The following IGF2 variants were observed in gnomAD, a reference collection of about 807,000 sequenced individuals.
IGF2 encodes insulin like growth factor 2.
A neutral mutation model predicts 12.0 loss-of-function variants in IGF2; 2 were observed. The ratio of observed to expected loss-of-function variants is 0.17; its 90% confidence interval spans 0.07 to 0.52. IGF2 has a LOEUF of 0.52. Among genes scored for constraint, IGF2 ranks in the 20% least tolerant of loss-of-function variants. The pLI is 0.95. For missense variants in IGF2, 211 were observed against 268.0 expected, an observed-to-expected ratio of 0.79 and a Z score of 1.48; for synonymous variants, 105 against 110.1, an observed-to-expected ratio of 0.95 and a Z score of 0.29.
In IGF2 at chr11:2,133,755, C is replaced by A; in HGVS notation, c.158-90G>T. 1 of 1,510,450 alleles carries A rather than the reference C, an allele frequency of 6.6e-7. No individual in the cohort carries two copies. Among genetic ancestry groups the A allele is most frequent in the African/African-American group, 1.4e-5 (1 of 71,902 alleles). The allele number at this position is 1,510,450 out of a possible 1,614,324, so 93.6% of individuals were successfully genotyped here. A position where few individuals can be genotyped will look rare whatever the true frequency, so the allele number is the denominator to read the frequency against. ...GAAGGGGGAGCAAACCACCCCTGCCCTCAGGCCAGGCCCTGGAAGGACGCA... is the reference window on the plus strand; with the variant it reads ...GAAGGGGGAGCAAACCACCCCTGCCATCAGGCCAGGCCCTGGAAGGACGCA... On this transcript the variant is annotated intron_variant, in intron 2 of 3. Transcript: ENST00000416167. This position sits in a 1 kb window ranked among gnomAD's most constrained non-coding sequence, Gnocchi z 8.9.
At chr11:2,140,373 C>A (rs1859478382), upstream of IGF2, 3 of 1,355,340 alleles carry the variant, frequency 2.2e-6, no homozygotes, top group African/African-American at 4.4e-5. Flanking sequence ...AATCCCGCAC[C>A]CCGCCAGCCC....
Position 2,132,660 on chromosome 11 carries a change from G to C in IGF2, c.*327C>G, listed in dbSNP as rs547785690. On this transcript the variant is annotated 3_prime_UTR_variant, in exon 4 of 4. Coordinates refer to ENST00000416167, the MANE Select transcript of IGF2 (RefSeq NM_000612.6). ...ATTAGTTTTAAGAGGGTTGTTGTGG[G>C]GGGGGGGGAAGGGGGTTAGTTTAAT... 3.5e-5 allele frequency: 5 copies of C among 142,746 alleles called. No individual in the cohort carries two copies. Among genetic ancestry groups the C allele is most frequent in the South Asian group, 6.4e-4 (1 of 1,558 alleles). 8.8% of individuals were successfully genotyped at this position (142,746 alleles called of 1,614,324 possible). A position where few individuals can be genotyped will look rare whatever the true frequency, so the allele number is the denominator to read the frequency against.
chr11:2,130,474 G>A lies in IGF2; in HGVS notation c.*2513C>T, dbSNP rs1215087954. ...TAAATGGCGGGGGGCAGGACGTGGT[G>A]GTCTCCAGGCTGGCTTCGTGCGTTC... On this transcript the variant is annotated 3_prime_UTR_variant, in exon 4 of 4. Transcript: ENST00000416167. The A allele has an allele frequency of 1.3e-5, 3 of 226,734 alleles. No homozygotes were observed. In the Admixed American group the frequency reaches 1.7e-4, roughly 13 times the overall value. 14.0% of individuals were successfully genotyped at this position (226,734 alleles called of 1,614,324 possible). A position where few individuals can be genotyped will look rare whatever the true frequency, so the allele number is the denominator to read the frequency against.
chr11:2,131,901 G>A lies in IGF2; in HGVS notation c.*1086C>T, dbSNP rs1161301672. On this transcript the variant is annotated 3_prime_UTR_variant, in exon 4 of 4. Coordinates refer to ENST00000416167, the MANE Select transcript of IGF2 (RefSeq NM_000612.6). ...TGCTGTGCGTTTGTGTGTGCTGTGC[G>A]TTTGTGTGTGTGCTGTGTGTGCATG... 18 of 162,822 alleles carry A rather than the reference G, an allele frequency of 1.1e-4. No individual in the cohort carries two copies. The South Asian group carries it at 3.6e-3, about 32-fold the overall frequency. The allele number at this position is 162,822 out of a possible 1,614,324, so 10.1% of individuals were successfully genotyped here. A position where few individuals can be genotyped will look rare whatever the true frequency, so the allele number is the denominator to read the frequency against.
chr11:2,140,550 G>A (rs902440025), upstream of IGF2: 3 of 504,872 alleles, frequency 5.9e-6, no homozygotes, highest in Non-Finnish European at 1.1e-5. Context: ...ACCGCCCGGC[G>A]GGAGCGCCTC....
At position 2,129,789 on chromosome 11, in the gene IGF2, G is replaced by C. The variant is rs568944971; in HGVS notation, c.*3198C>G. Reference sequence around the variant, plus strand: ...AGACTGCTAGTCGGGCTGCGTGCAGGGGGGCTGAGCTGGGGGCACAAGTGG... The same window carrying C: ...AGACTGCTAGTCGGGCTGCGTGCAGCGGGGCTGAGCTGGGGGCACAAGTGG... On this transcript the variant is annotated 3_prime_UTR_variant, in exon 4 of 4. Coordinates refer to ENST00000416167, the MANE Select transcript of IGF2 (RefSeq NM_000612.6). The surrounding 1 kb of genome is among the most constrained non-coding windows in gnomAD (Gnocchi z 8.1). 208 of 232,212 alleles carry C rather than the reference G, an allele frequency of 9.0e-4. No individual in the cohort carries two copies. The highest frequency in any genetic ancestry group is 4.4e-3 in the African/African-American group (199 of 45,396). The allele number at this position is 232,212 out of a possible 1,614,324, so 14.4% of individuals were successfully genotyped here.
chr11:2,131,622 GTGTGTGC>G lies in IGF2; in HGVS notation c.*1358_*1364del, dbSNP rs1427724970. The G allele has an allele frequency of 4.6e-5, 10 of 215,110 alleles. No individual in the cohort carries two copies. The highest frequency in any genetic ancestry group is 7.1e-5 in the African/African-American group (3 of 42,430). The allele number at this position is 215,110 out of a possible 1,614,324, so 13.3% of individuals were successfully genotyped here. On this transcript the variant is annotated 3_prime_UTR_variant, in exon 4 of 4. Transcript: ENST00000416167. ...GCATGCGTGTGTGCTGTGTGTGCAT[GTGTGTGC>G]TGTGTGCTGTGTTCATGTGTGTGCT... is the stretch of plus-strand genomic sequence containing the variant.
chr11:2,146,164 C>A, upstream of IGF2: 1 of 499,460 alleles, frequency 2.0e-6, no homozygotes, highest in Non-Finnish European at 4.0e-6. Flanking sequence ...GCCCATGCCC[C>A]AGCCTCGGCC....
chr11:2,140,269 C>A, upstream of IGF2: 1 of 1,612,904 alleles, frequency 6.2e-7, no homozygotes, highest in South Asian at 1.1e-5. Context: ...GGGGCCACCA[C>A]GATAATTTGG....
chr11:2,134,842 C>T (rs1054284900), intron 2 of IGF2, among the ~76,000 whole-genome samples: 3 of 152,206 alleles, frequency 2.0e-5, no homozygotes, highest in Non-Finnish European at 4.4e-5. Context: ...GCACCCCCCA[C>T]GGCAGCCTTG....
At chr11:2,139,619 G>C (rs1859412944), upstream of IGF2, among the ~76,000 whole-genome samples, 1 of 149,516 alleles carries the variant, frequency 6.7e-6, no homozygotes, top group Non-Finnish European at 1.5e-5. Context: ...GTGCGCGGGG[G>C]CGAGGCTGGG....
In IGF2 at chr11:2,133,678, C is replaced by G. The variant is rs754067209; in HGVS notation, c.158-13G>C. 4 of 1,612,576 alleles carry G rather than the reference C, an allele frequency of 2.5e-6. No homozygotes were observed. In the East Asian group the frequency reaches 6.7e-5, roughly 27 times the overall value. On this transcript the variant is annotated splice_polypyrimidine_tract_variant and intron_variant, in intron 2 of 3. Transcript: ENST00000416167. The surrounding 1 kb of genome is among the most constrained non-coding windows in gnomAD (Gnocchi z 8.9). ...CTTGCGGGCCTGCCTGGAAGTCCCA[C>G]AGCACAGAGAGAGCCGTGTTAGCAC... is the stretch of plus-strand genomic sequence containing the variant.
chr11:2,130,535 G>C lies in IGF2; in HGVS notation c.*2452C>G. Reference sequence around the variant, plus strand: ...CACTGCCCCCCTGTTACATGGGGGGGGGGTTTAATTTGGTTTCTGAGCGCA... The same window carrying C: ...CACTGCCCCCCTGTTACATGGGGGGCGGGTTTAATTTGGTTTCTGAGCGCA... On this transcript the variant is annotated 3_prime_UTR_variant, in exon 4 of 4. Transcript: ENST00000416167. 1 of 219,500 alleles carries C rather than the reference G, an allele frequency of 4.6e-6. No homozygotes were observed. 13.6% of individuals were successfully genotyped at this position (219,500 alleles called of 1,614,324 possible).
upstream of IGF2, among the ~76,000 whole-genome samples, chr11:2,143,943 T>G (rs11603378): frequency 0.24 from 36,595 of 152,106 alleles, 4,564 homozygotes; most frequent in African/African-American, 0.27. Context: ...GGATTCACCT[T>G]GGCTGGGGCG....
chr11:2,142,475 T>A (rs1384576571), upstream of IGF2, among the ~76,000 whole-genome samples: 1 of 152,154 alleles, frequency 6.6e-6, no homozygotes, highest in East Asian at 1.9e-4. This position sits in a 1 kb window ranked among gnomAD's most constrained non-coding sequence, Gnocchi z 5.7. Flanking sequence ...GAAATATTGC[T>A]TAACTTTGAG....
In IGF2 at chr11:2,129,549, A is replaced by G. The variant is rs572893695; in HGVS notation, c.*3438T>C. On this transcript the variant is annotated 3_prime_UTR_variant, in exon 4 of 4. Coordinates refer to ENST00000416167, the MANE Select transcript of IGF2 (RefSeq NM_000612.6). The surrounding 1 kb of genome is among the most constrained non-coding windows in gnomAD (Gnocchi z 8.1). ...TGGGTGGGTGTCCTGACGAATGGGCAGGTAATTTGGGGTGCCTCGAAGCGT... is the reference window on the plus strand; with the variant it reads ...TGGGTGGGTGTCCTGACGAATGGGCGGGTAATTTGGGGTGCCTCGAAGCGT... 15 of 227,890 alleles carry G rather than the reference A, an allele frequency of 6.6e-5. No individual in the cohort carries two copies. The highest frequency in any genetic ancestry group is 3.1e-4 in the African/African-American group (14 of 45,098). 14.1% of individuals were successfully genotyped at this position (227,890 alleles called of 1,614,324 possible).
upstream of IGF2, chr11:2,141,094 T>C (rs1859558058): frequency 4.5e-6 from 1 of 223,294 alleles, no homozygotes; most frequent in Admixed American, 6.4e-5. Flanking sequence ...CCTGTCCACG[T>C]CCTGAGGGCG....
upstream of IGF2, among the ~76,000 whole-genome samples, chr11:2,143,495 A>G (rs2133626496): frequency 6.6e-6 from 1 of 152,344 alleles, no homozygotes; most frequent in South Asian, 2.1e-4. Flanking sequence ...GGCACTGTCC[A>G]CATCCTGGGG....
At chr11:2,140,929 G>A (rs772504548), upstream of IGF2, 7 of 364,084 alleles carry the variant, frequency 1.9e-5, no homozygotes, top group East Asian at 5.1e-4. Flanking sequence ...TCTGTGGCAG[G>A]CGGTGGACGC....
Sources: gnomAD v4.1 joint callset for allele counts (sites outside exome capture counted in the v4.1 genomes callset) on GRCh38, gnomAD v4.1.1 for gene constraint, Gnocchi (gnomAD v3.1) non-coding constraint, MANE v1.5 for transcripts, NCBI Gene and HGNC (gene_info 2026-07-23, HGNC 2026-07-21) for gene names.